The following NF1 variants were observed in gnomAD, a reference collection of about 807,000 sequenced individuals.
NF1 encodes the protein neurofibromin.
In NF1, 122 loss-of-function variants were observed where a neutral mutation model predicts 325.7. That is an observed-to-expected ratio of 0.37 (90% CI 0.32 to 0.44). The LOEUF (loss-of-function observed/expected upper bound fraction) is 0.44, where lower values mean the gene tolerates loss of function less well. NF1 is among the 20% of genes least tolerant of loss of function. The pLI is 1.00. For synonymous variants in NF1, 1,091 were observed against 1,186.0 expected (o/e 0.92, Z 1.65); for missense variants, 2,140 against 3,415.4 (o/e 0.63, Z 9.31).
chr17:31,198,416 A>T lies in NF1; in HGVS notation c.889-2006A>T, dbSNP rs370656913. On this transcript the variant is annotated intron_variant, in intron 8 of 57. Transcript: ENST00000358273. ...CCTTTTCTTTGGGAGCTTTGTGATT[A>T]CTGATTAATCCCTTTACTAGTTATA... Among the ~76,000 whole-genome samples, 766 of 152,298 alleles carry T rather than the reference A, an allele frequency of 5.0e-3. 2 individuals are homozygous for T. Among genetic ancestry groups the T allele is most frequent in the Admixed American group, 7.1e-3 (109 of 15,294 alleles).
At chr17:31,175,345 CTTTTTTTT>C (rs869113407) in intron 5 of NF1, among the ~76,000 whole-genome samples, 1 of 71,348 alleles carries the variant, frequency 1.4e-5, no homozygotes, top group South Asian at 6.5e-4. Flanking sequence ...TGTGCTTTTG[CTTTTTTTT>C]TTTTTTTTTT....
rs876658709 is a variant in NF1, at chr17:31,156,093, C to T, written c.171C>T (p.Gly57=). ...SKYKFSLVIS[G]LTTILKNVNN... ...ACAAGTTTTCTTTGGTTATAAGCGGCCTCACTACTATTTTAAAGAATGTTA... is the reference window on the plus strand; with the variant it reads ...ACAAGTTTTCTTTGGTTATAAGCGGTCTCACTACTATTTTAAAGAATGTTA... Residue 57 remains glycine, a synonymous_variant, in exon 2 of 58, where the codon GGC becomes GGT. Coordinates refer to ENST00000358273, the MANE Select transcript of NF1 (RefSeq NM_001042492.3). 5.6e-6 allele frequency: 9 copies of T among 1,613,304 alleles called. No individual in the cohort carries two copies. The highest frequency in any genetic ancestry group is 1.3e-5 in the African/African-American group (1 of 74,766).
chr17:31,299,954 A>G (rs1388674049), intron 36 of NF1, among the ~76,000 whole-genome samples: 1 of 152,090 alleles, frequency 6.6e-6, no homozygotes, highest in African/African-American at 2.4e-5. Context: ...CATATCATTG[A>G]CATAATTGCT....
At chr17:31,360,815 C>G in intron 57 of NF1, 112 bp downstream of exon 57, 1 of 894,714 alleles carries the variant, frequency 1.1e-6, no homozygotes. Flanking sequence ...TTATGAGATT[C>G]ACCTTACATT....
intron 31 of NF1, among the ~76,000 whole-genome samples, chr17:31,254,760 A>T (rs560677676): frequency 1.4e-4 from 22 of 151,738 alleles, no homozygotes; most frequent in South Asian, 1.3e-3. Flanking sequence ...TTTTCAAAAA[A>T]TTTTTTTTTA....
At position 31,169,881 on chromosome 17, in the gene NF1, T is replaced by C. The variant is rs2143706711; in HGVS notation, c.480-10T>C. ...AATTTGATAAGTTAATTTTGGTTTT[T>C]ACTTTTTAGGTTACAGGAATTAACT... On this transcript the variant is annotated splice_polypyrimidine_tract_variant and intron_variant, in intron 4 of 57. Transcript: ENST00000358273. The C allele has an allele frequency of 6.3e-7, 1 of 1,595,728 alleles. No individual in the cohort carries two copies. The highest frequency in any genetic ancestry group is 1.7e-5 in the Admixed American group (1 of 59,956).
Position 31,301,761 on chromosome 17 carries a change from G to A in NF1, c.4836-24059G>A, listed in dbSNP as rs74771614. On this transcript the variant is annotated intron_variant, in intron 36 of 57. Coordinates refer to ENST00000358273, the MANE Select transcript of NF1 (RefSeq NM_001042492.3). Reference sequence around the variant, plus strand: ...TTTCTCTGGTCCTGTTTTCTCAGTAGTTAACAAACAAAAGGAGTTGAACCA... The same window carrying A: ...TTTCTCTGGTCCTGTTTTCTCAGTAATTAACAAACAAAAGGAGTTGAACCA... Among the ~76,000 whole-genome samples the A allele has an allele frequency of 3.1e-3, 473 of 152,292 alleles. 1 individual carries two copies. The highest frequency in any genetic ancestry group is 0.011 in the African/African-American group (439 of 41,556).
intron 1 of NF1, among the ~76,000 whole-genome samples, chr17:31,149,421 C>T (rs891814952): frequency 3.3e-5 from 5 of 152,102 alleles, no homozygotes; most frequent in African/African-American, 9.7e-5. Context: ...GCCTCAGCCT[C>T]CCAAGTAGCT....
intron 36 of NF1, among the ~76,000 whole-genome samples, chr17:31,324,034 G>A (rs1347392054): frequency 6.6e-6 from 1 of 151,984 alleles, no homozygotes; most frequent in Non-Finnish European, 1.5e-5. Context: ...ATGATAATTT[G>A]TACATATTAA....
intron 12 of NF1, among the ~76,000 whole-genome samples, chr17:31,214,019 ATGT>A (rs1273666529): frequency 6.6e-6 from 1 of 152,158 alleles, no homozygotes; most frequent in African/African-American, 2.4e-5. Flanking sequence ...ACAATTGATA[ATGT>A]TGTAGAGTCT....
chr17:31,199,995 G>T (rs896318745), intron 8 of NF1, among the ~76,000 whole-genome samples: 1 of 152,006 alleles, frequency 6.6e-6, no homozygotes, highest in Admixed American at 6.6e-5. Context: ...AATTAGCCAG[G>T]CATGGTGGCA....
chr17:31,279,845 A>G (rs2068083512), intron 36 of NF1, among the ~76,000 whole-genome samples: 1 of 152,222 alleles, frequency 6.6e-6, no homozygotes, highest in African/African-American at 2.4e-5. Flanking sequence ...TGTCTTCCTA[A>G]TGGTATAATA....
Position 31,226,701 on chromosome 17 carries a change from G to T in NF1, c.2251+17G>T, listed in dbSNP as rs760501109. 7 of 1,612,990 alleles carry T rather than the reference G, an allele frequency of 4.3e-6. No homozygotes were observed. The highest frequency in any genetic ancestry group is 1.3e-5 in the African/African-American group (1 of 74,934). ...TGTCAACAGGTAAATGTGAATAGTG[G>T]TTTTTTTTACTCAGTCTGCCTCAAA... On this transcript the variant is annotated intron_variant, in intron 18 of 57. Transcript: ENST00000358273.
In NF1 at chr17:31,132,447, G is replaced by A. The variant is rs113893791; in HGVS notation, c.61-23536G>A. Among the ~76,000 whole-genome samples the A allele has an allele frequency of 1.9e-3, 289 of 152,206 alleles. 2 individuals carry two copies. Among genetic ancestry groups the A allele is most frequent in the African/African-American group, 6.4e-3 (265 of 41,532 alleles). ...CCCAGCTACTCAGGAGGCCGAGGCA[G>A]GAGAATCGCTTGAACCCAGGAGGAG... is the stretch of plus-strand genomic sequence containing the variant. On this transcript the variant is annotated intron_variant, in intron 1 of 57. Transcript: ENST00000358273.
chr17:31,265,256 C>T lies in NF1; in HGVS notation c.4752C>T (p.Phe1584=), dbSNP rs876657545. The T allele has an allele frequency of 6.2e-7, 1 of 1,613,030 alleles. No individual in the cohort carries two copies. Among genetic ancestry groups the T allele is most frequent in the African/African-American group, 1.3e-5 (1 of 74,958 alleles). The change falls in exon 36 of 58, where the codon TTC becomes TTT. Residue 1584 remains phenylalanine, a synonymous_variant. Transcript: ENST00000358273. The part of the protein sequence containing the change: ...TRHQVHEKEE[F]KALKTLSIFY... ...ATCAGGTACATGAAAAAGAAGAATT[C>T]AAGGCTTTGAAAACGTTAAGTATTT...
chr17:31,358,117 C>T (rs998884493), intron 54 of NF1: 7 of 282,712 alleles, frequency 2.5e-5, no homozygotes, highest in African/African-American at 9.0e-5. Flanking sequence ...ACTTCCTAAG[C>T]GCATGTCAGT....
At chr17:31,367,300 T>C in intron 57 of NF1, 1 of 1,300,316 alleles carries the variant, frequency 7.7e-7, no homozygotes, top group African/African-American at 1.5e-5. Flanking sequence ...TTTCATCATC[T>C]TTGCACGAAA....
At chr17:31,262,169 C>A (rs1301167115) in intron 35 of NF1, among the ~76,000 whole-genome samples, 1 of 152,120 alleles carries the variant, frequency 6.6e-6, no homozygotes, top group East Asian at 1.9e-4. Flanking sequence ...AAATGCAACT[C>A]AATGTGAATA....
chr17:31,372,958 G>T (rs923612078), intron 57 of NF1, among the ~76,000 whole-genome samples: 6 of 152,220 alleles, frequency 3.9e-5, no homozygotes, highest in Non-Finnish European at 7.3e-5. Context: ...CAAGGTTATA[G>T]TGAGCTATGA....
Sources: allele counts gnomAD v4.1 joint callset (sites outside exome capture counted in the v4.1 genomes callset), GRCh38; gene constraint gnomAD v4.1.1; transcripts MANE v1.5; gene names NCBI Gene and HGNC (gene_info 2026-07-23, HGNC 2026-07-21).